The following GRID2IP variants were observed in gnomAD, a reference collection of about 807,000 sequenced individuals.
GRID2IP encodes the protein delphilin.
In GRID2IP, 78 loss-of-function variants were observed where a neutral mutation model predicts 114.3. The observed-to-expected ratio is 0.68, with a 90% CI of 0.57 to 0.82. The LOEUF (loss-of-function observed/expected upper bound fraction) is 0.82. Among genes scored for constraint, GRID2IP ranks in the 40% least tolerant of loss-of-function variants. GRID2IP has a pLI of 0.00. For missense variants in GRID2IP, 1,727 were observed against 1,678.5 expected, an observed-to-expected ratio of 1.03 and a Z score of -0.51; for synonymous variants, 809 against 724.0, an observed-to-expected ratio of 1.12 and a Z score of -1.89.
intron 2 of GRID2IP, among the ~76,000 whole-genome samples, chr7:6,533,506 GT>G (rs1156930354): frequency 6.6e-6 from 1 of 151,904 alleles, no homozygotes; most frequent in Non-Finnish European, 1.5e-5. Flanking sequence ...CTACAGGCAT[GT>G]ACCACTATGC....
chr7:6,526,148 C>T lies in GRID2IP; in HGVS notation c.919+76G>A. Reference sequence around the variant, plus strand: ...AGGAGCCTACATGGGGTACAATGACCCGGCAGAGCCACCACGGGGCCCTTC... The same window carrying T: ...AGGAGCCTACATGGGGTACAATGACTCGGCAGAGCCACCACGGGGCCCTTC... On this transcript the variant is annotated intron_variant, in intron 4 of 21. Coordinates refer to ENST00000457091, the MANE Select transcript of GRID2IP (RefSeq NM_001145118.2). This position sits in a 1 kb window ranked among gnomAD's most constrained non-coding sequence, Gnocchi z 7.6. 1.7e-6 allele frequency: 2 copies of T among 1,181,974 alleles called. No individual in the cohort carries two copies. Among genetic ancestry groups the T allele is most frequent in the Non-Finnish European group, 2.5e-6 (2 of 813,162 alleles). The allele number at this position is 1,181,974 out of a possible 1,614,324, so 73.2% of individuals were successfully genotyped here.
rs1445505644 is a variant in GRID2IP at position 6,534,296 on chromosome 7, A to G, written c.584+5422T>C. ...CCCCGTTCCCCCCACGCCACCACTC[A>G]TATTTCCTGAAACGCTAGCGGACCA... On this transcript the variant is annotated intron_variant, in intron 2 of 21. Coordinates refer to ENST00000457091, the MANE Select transcript of GRID2IP (RefSeq NM_001145118.2). The surrounding 1 kb of genome is among the most constrained non-coding windows in gnomAD (Gnocchi z 4.5). 6.6e-6 allele frequency among the ~76,000 whole-genome samples: 1 copy of G among 152,048 alleles called. No individual in the cohort carries two copies. Among genetic ancestry groups the G allele is most frequent in the African/African-American group, 2.4e-5 (1 of 41,388 alleles).
intron 1 of GRID2IP, among the ~76,000 whole-genome samples, chr7:6,545,559 C>A (rs748121194): frequency 2.0e-5 from 3 of 152,140 alleles, no homozygotes. Context: ...GGAGAAGTAG[C>A]GGGAAGCTTC....
intron 8 of GRID2IP, 27 bp downstream of exon 8, chr7:6,514,348 G>A: frequency 6.8e-7 from 1 of 1,472,014 alleles, no homozygotes; most frequent in South Asian, 1.3e-5. Context: ...CTGCAGGCAG[G>A]GAAGTGGCAG....
In GRID2IP at chr7:6,496,978, G is replaced by A. The variant is rs540133614; in HGVS notation, c.*796C>T. ...TGTCATCTGCCCCCACACCTGCCCC[G>A]GTCTCATGACTTGCTCCAGGGAACA... On this transcript the variant is annotated 3_prime_UTR_variant, in exon 22 of 22. Transcript: ENST00000457091. 1.3e-5 allele frequency among the ~76,000 whole-genome samples: 2 copies of A among 152,064 alleles called. No homozygotes were observed. Among genetic ancestry groups the A allele is most frequent in the East Asian group, 1.9e-4 (1 of 5,166 alleles).
At chr7:6,545,604 G>A (rs1018105488) in intron 1 of GRID2IP, among the ~76,000 whole-genome samples, 3 of 152,174 alleles carry the variant, frequency 2.0e-5, no homozygotes, top group Admixed American at 6.6e-5. Flanking sequence ...TTCTGTACAC[G>A]TCTGAATCCT....
chr7:6,510,687 C>G lies in GRID2IP; in HGVS notation c.1575G>C (p.Glu525Asp), dbSNP rs367707573. 20 of 1,548,116 alleles carry G rather than the reference C, an allele frequency of 1.3e-5. No homozygotes were observed. Among genetic ancestry groups the G allele is most frequent in the Non-Finnish European group, 1.7e-5 (20 of 1,145,762 alleles). ...GLSCGPSECPEMPLPLIPGER... is the reference protein window; with the variant it reads ...GLSCGPSECPDMPLPLIPGER... Reference sequence around the variant, plus strand: ...CGCCTGGGATCAGGGGAAGAGGCATCTCAGGGCACTCGCTGGGACCTACCG... The same window carrying G: ...CGCCTGGGATCAGGGGAAGAGGCATGTCAGGGCACTCGCTGGGACCTACCG... Residue 525 changes from glutamate (E) to aspartate (D), a missense_variant, in exon 10 of 22, where the codon GAG becomes GAC. Coordinates refer to ENST00000457091, the MANE Select transcript of GRID2IP (RefSeq NM_001145118.2).
rs191890522 is a variant in GRID2IP, at chr7:6,527,919, G to A, written c.585-1150C>T. Among the ~76,000 whole-genome samples, 669 of 152,022 alleles carry A rather than the reference G, an allele frequency of 4.4e-3. 8 individuals carry two copies. The highest frequency in any genetic ancestry group is 8.4e-3 in the Non-Finnish European group (570 of 67,972). On this transcript the variant is annotated intron_variant, in intron 2 of 21. Transcript: ENST00000457091. ...GATTACAGATGCATGCCACCACGAC[G>A]GCTAATTTTTGTATTTTTAGTAGAG...
rs1356579640 is a variant in GRID2IP, at chr7:6,509,334, G to A, written c.1772-21C>T. 1 of 1,472,114 alleles carries A rather than the reference G, an allele frequency of 6.8e-7. No individual in the cohort carries two copies. Among genetic ancestry groups the A allele is most frequent in the East Asian group, 2.5e-5 (1 of 39,736 alleles). The allele number at this position is 1,472,114 out of a possible 1,614,324, so 91.2% of individuals were successfully genotyped here. A position where few individuals can be genotyped will look rare whatever the true frequency, so the allele number is the denominator to read the frequency against. On this transcript the variant is annotated intron_variant, in intron 11 of 21. Coordinates refer to ENST00000457091, the MANE Select transcript of GRID2IP (RefSeq NM_001145118.2). The surrounding 1 kb of genome is among the most constrained non-coding windows in gnomAD (Gnocchi z 4.9). ...GGGCCCTGGAGGAGGGATGGAGTAT[G>A]AGGATTCCTCTTCAGCCAGCACCGA...
At chr7:6,538,822 C>T (rs1022240445) in intron 2 of GRID2IP, among the ~76,000 whole-genome samples, 6 of 151,836 alleles carry the variant, frequency 4.0e-5, no homozygotes, top group South Asian at 4.2e-4. Context: ...TGCAGTGAGC[C>T]GAGATCACGC....
intron 16 of GRID2IP, 124 bp from the exon 17 acceptor site, chr7:6,503,287 A>G (rs890214535): frequency 3.5e-6 from 4 of 1,130,436 alleles, no homozygotes; most frequent in Admixed American, 5.8e-5. Flanking sequence ...GGTAGGAAGA[A>G]TAAGCACGAT....
At position 6,498,044 on chromosome 7, in the gene GRID2IP, A is replaced by G. The variant is rs1325071504; in HGVS notation, c.3564+20T>C. On this transcript the variant is annotated intron_variant, in intron 21 of 21. Coordinates refer to ENST00000457091, the MANE Select transcript of GRID2IP (RefSeq NM_001145118.2). ...CCCCACCTCTCCAAAAGGGCCCCTC[A>G]GGGCTCCAGCGAGGCTCACCTCGAA... 1 of 1,530,308 alleles carries G rather than the reference A, an allele frequency of 6.5e-7. No individual in the cohort carries two copies. The highest frequency in any genetic ancestry group is 1.7e-4 in the Middle Eastern group (1 of 5,878). 94.8% of individuals were successfully genotyped at this position (1,530,308 alleles called of 1,614,324 possible).
chr7:6,514,079 T>A (rs183128730), intron 8 of GRID2IP, among the ~76,000 whole-genome samples: 18 of 151,134 alleles, frequency 1.2e-4, no homozygotes, highest in Admixed American at 2.6e-4. Flanking sequence ...TGGTGAAACC[T>A]CTTCTCTACT....
chr7:6,541,108 CT>C (rs903066933), intron 1 of GRID2IP, among the ~76,000 whole-genome samples: 22 of 151,894 alleles, frequency 1.4e-4, no homozygotes, highest in Non-Finnish European at 4.4e-5. Flanking sequence ...TGATCTCAAA[CT>C]TTTGGGTTCA....
chr7:6,527,553 C>T (rs1270019363), intron 2 of GRID2IP, among the ~76,000 whole-genome samples: 2 of 152,180 alleles, frequency 1.3e-5, no homozygotes, highest in African/African-American at 4.8e-5. Flanking sequence ...GCCCGTGGGT[C>T]TCCGCTGCAG....
chr7:6,511,081 A>G, intron 8 of GRID2IP, 42 bp from the exon 9 acceptor site: 3 of 1,357,124 alleles, frequency 2.2e-6, no homozygotes, highest in Middle Eastern at 2.4e-4. Context: ...TTGCCCTCTC[A>G]GCCAGACAAG....
intron 7 of GRID2IP, among the ~76,000 whole-genome samples, chr7:6,518,688 A>G (rs868348430): frequency 1.3e-5 from 2 of 152,088 alleles, no homozygotes; most frequent in Admixed American, 6.6e-5. Flanking sequence ...GTGAGCCGAG[A>G]GCACGCCACT....
At chr7:6,529,847 G>A (rs894230647) in intron 2 of GRID2IP, among the ~76,000 whole-genome samples, 21 of 152,058 alleles carry the variant, frequency 1.4e-4, no homozygotes, top group African/African-American at 2.2e-4. Flanking sequence ...CTTGCACACC[G>A]GGTCAGTTCT....
chr7:6,520,489 A>G lies in GRID2IP; in HGVS notation c.1268+89T>C. On this transcript the variant is annotated intron_variant, in intron 7 of 21. Coordinates refer to ENST00000457091, the MANE Select transcript of GRID2IP (RefSeq NM_001145118.2). This position sits in a 1 kb window ranked among gnomAD's most constrained non-coding sequence, Gnocchi z 4.6. ...ATCCCCCAGGAGAACGGGACTGAGGAGGTTCAGGCAGGGAGACTGGGATGT... is the reference window on the plus strand; with the variant it reads ...ATCCCCCAGGAGAACGGGACTGAGGGGGTTCAGGCAGGGAGACTGGGATGT... 7.4e-7 allele frequency: 1 copy of G among 1,345,278 alleles called. No individual in the cohort carries two copies. The highest frequency in any genetic ancestry group is 1.0e-6 in the Non-Finnish European group (1 of 990,190). The allele number at this position is 1,345,278 out of a possible 1,614,324, so 83.3% of individuals were successfully genotyped here. A position where few individuals can be genotyped will look rare whatever the true frequency, so the allele number is the denominator to read the frequency against.
Sources: allele counts gnomAD v4.1 joint callset (sites outside exome capture counted in the v4.1 genomes callset), GRCh38; gene constraint gnomAD v4.1.1; non-coding constraint Gnocchi (gnomAD v3.1); transcripts MANE v1.5; gene names NCBI Gene and HGNC (gene_info 2026-07-23, HGNC 2026-07-21).